Variants in GPD2 observed in about 807,000 individuals in gnomAD.
GPD2 encodes glycerol-3-phosphate dehydrogenase 2.
GPD2 carries 54 observed loss-of-function variants against 82.4 expected under a neutral mutation model. That is an observed-to-expected ratio of 0.66 (90% confidence interval 0.53 to 0.82). The LOEUF is 0.82. GPD2 is among the 40% of genes least tolerant of loss of function. The pLI is 0.00. For synonymous variants in GPD2, 288 were observed against 306.1 expected, an observed-to-expected ratio of 0.94 and a Z score of 0.62; for missense variants, 748 against 896.2, an observed-to-expected ratio of 0.83 and a Z score of 2.11.
At chr2:156,453,594 G>C (rs1361412361) in intron 1 of GPD2, among the ~76,000 whole-genome samples, 1 of 152,158 alleles carries the variant, frequency 6.6e-6, no homozygotes, top group East Asian at 1.9e-4. Context: ...TGTAGTTGTA[G>C]AAAACAGCAA....
At chr2:156,553,457 T>C (rs1184884615) in intron 8 of GPD2, among the ~76,000 whole-genome samples, 1 of 152,144 alleles carries the variant, frequency 6.6e-6, no homozygotes, top group Non-Finnish European at 1.5e-5. Flanking sequence ...AAATAAAACA[T>C]GATTCTTCAA....
chr2:156,507,698 C>G (rs1684837708), intron 3 of GPD2, among the ~76,000 whole-genome samples: 1 of 152,160 alleles, frequency 6.6e-6, no homozygotes, highest in Admixed American at 6.5e-5. Context: ...TCAGAGGCAT[C>G]TTCCTTTTGA....
chr2:156,535,604 G>T (rs1398866021), intron 6 of GPD2, among the ~76,000 whole-genome samples: 4 of 151,678 alleles, frequency 2.6e-5, no homozygotes, highest in African/African-American at 4.8e-5. Flanking sequence ...TTGTCTTTGT[G>T]GCTTACCTCT....
At chr2:156,492,851 T>G (rs1489980937) in intron 2 of GPD2, among the ~76,000 whole-genome samples, 1 of 152,184 alleles carries the variant, frequency 6.6e-6, no homozygotes, top group African/African-American at 2.4e-5. Context: ...ACATTTATAA[T>G]GACACCCTTA....
chr2:156,549,450 C>T (rs995814405), intron 6 of GPD2, among the ~76,000 whole-genome samples, 158 bp from the exon 7 acceptor site: 3 of 152,154 alleles, frequency 2.0e-5, no homozygotes, highest in African/African-American at 4.8e-5. Flanking sequence ...TGAGAATGAC[C>T]GTGTATTTTA....
In GPD2 at chr2:156,571,286, G is replaced by A. The variant is rs147511859; in HGVS notation, c.1761G>A (p.Lys587=). 85 of 1,601,014 alleles carry A rather than the reference G, an allele frequency of 5.3e-5. 1 individual carries two copies. In the East Asian group the frequency reaches 1.9e-3, roughly 35 times the overall value. ...GGGAACTGAATTGGGATGATTATAA[G>A]AAGCAGGTATTATATAGAAGTCTTT... ...MGRELNWDDY[K]KQEQLETARK... is the part of the protein sequence containing the mutation. The change falls in exon 13 of 17, where the codon AAG becomes AAA. Residue 587 remains lysine, a synonymous_variant. Transcript: ENST00000438166.
intron 6 of GPD2, among the ~76,000 whole-genome samples, chr2:156,535,150 T>G (rs1412341034): frequency 6.6e-6 from 1 of 152,046 alleles, no homozygotes; most frequent in Non-Finnish European, 1.5e-5. Flanking sequence ...GTTTGAATTC[T>G]CTAGGCAATG....
intron 12 of GPD2, among the ~76,000 whole-genome samples, chr2:156,570,713 G>C (rs1166167443): frequency 6.6e-6 from 1 of 152,074 alleles, no homozygotes; most frequent in African/African-American, 2.4e-5. Context: ...CCTATATTCT[G>C]GTTACTCTAA....
At chr2:156,509,012 T>G (rs1040173619) in intron 3 of GPD2, among the ~76,000 whole-genome samples, 1 of 152,208 alleles carries the variant, frequency 6.6e-6, no homozygotes, top group African/African-American at 2.4e-5. Context: ...ATCAGGATTT[T>G]GGCTCTCAAT....
rs747504715 is a variant in GPD2, at chr2:156,557,470, C to T, written c.1053C>T (p.Ile351=). 4.4e-6 allele frequency: 7 copies of T among 1,604,092 alleles called. No homozygotes were observed. In the African/African-American group the frequency reaches 5.3e-5, roughly 12 times the overall value. The change falls in exon 9 of 17, where the codon ATC becomes ATT. Residue 351 remains isoleucine (I), a synonymous_variant. Coordinates refer to ENST00000438166, the MANE Select transcript of GPD2 (RefSeq NM_000408.5). ...TCTTACCCTGGCAAAAGATGACGAT[C>T]GCTGGCACTACTGATACTCCAACTG... ...IFFLPWQKMT[I]AGTTDTPTDV...
At chr2:156,410,631 A>G in the GPD2 span, among the ~76,000 whole-genome samples, 3 of 152,200 alleles carry the variant, frequency 2.0e-5, no homozygotes, top group African/African-American at 7.2e-5. Flanking sequence ...TCACCTAAAT[A>G]AGATACCCTG....
chr2:156,445,669 G>A (rs1303178287), intron 1 of GPD2, among the ~76,000 whole-genome samples: 4 of 152,140 alleles, frequency 2.6e-5, no homozygotes, highest in Admixed American at 1.3e-4. Context: ...TTGTGAAAAC[G>A]AAAATGATTA....
intron 11 of GPD2, 116 bp downstream of exon 11, chr2:156,569,654 TC>T (rs2105364246): frequency 1.2e-6 from 1 of 822,880 alleles, no homozygotes; most frequent in African/African-American, 1.7e-5. Flanking sequence ...TGAATACATT[TC>T]TGCCAGTCTG....
At chr2:156,561,040 C>CTTGTTTTTTTTTTTTT (rs1687149187) in intron 9 of GPD2, among the ~76,000 whole-genome samples, 2 of 27,624 alleles carry the variant, frequency 7.2e-5, no homozygotes, top group African/African-American at 1.4e-4. Context: ...TGACATTAAG[C>CTTGTTTTTTTTTTTTT]TTTTTTTTTT....
At chr2:156,568,798 A>G (rs954890434) in intron 9 of GPD2, 27 bp from the exon 10 acceptor site, 3 of 1,604,100 alleles carry the variant, frequency 1.9e-6, no homozygotes, top group Non-Finnish European at 2.6e-6. Flanking sequence ...AGCAATGTTC[A>G]TAACCCTTGG....
At chr2:156,497,299 C>T (rs948695658) in intron 3 of GPD2, among the ~76,000 whole-genome samples, 3 of 152,144 alleles carry the variant, frequency 2.0e-5, no homozygotes, top group African/African-American at 2.4e-5. Flanking sequence ...GTGCTTGTCA[C>T]ACAAAGTAGC....
At chr2:156,519,770 G>A (rs1010930568) in intron 6 of GPD2, among the ~76,000 whole-genome samples, 4 of 152,234 alleles carry the variant, frequency 2.6e-5, no homozygotes, top group African/African-American at 4.8e-5. Context: ...CCTTGTGGGT[G>A]GGGGAGCACC....
chr2:156,411,604 C>T, the GPD2 span, among the ~76,000 whole-genome samples: 2 of 152,100 alleles, frequency 1.3e-5, no homozygotes, highest in Non-Finnish European at 1.5e-5. Flanking sequence ...TCTGTATATA[C>T]AGAATCTAAT....
intron 6 of GPD2, among the ~76,000 whole-genome samples, chr2:156,537,633 T>C (rs185027922): frequency 3.9e-5 from 6 of 152,334 alleles, no homozygotes; most frequent in Admixed American, 2.0e-4. Flanking sequence ...TGTTTATTTT[T>C]CACATTTGAG....
Sources: allele counts gnomAD v4.1 joint callset (sites outside exome capture counted in the v4.1 genomes callset), GRCh38; gene constraint gnomAD v4.1.1; transcripts MANE v1.5; gene names NCBI Gene and HGNC (gene_info 2026-07-23, HGNC 2026-07-21).